Variants in NKAIN2 observed in about 807,000 individuals in gnomAD.
NKAIN2 encodes sodium/potassium transporting ATPase interacting 2, also known as sodium/potassium-transporting ATPase subunit beta-1-interacting protein 2.
In NKAIN2, 14 loss-of-function variants were observed where a neutral mutation model predicts 32.6. The observed-to-expected ratio is 0.43, with a 90% CI of 0.28 to 0.67. NKAIN2 has a LOEUF of 0.67. Ranked by LOEUF, NKAIN2 falls within the 30% of genes least tolerant of loss-of-function variation. The pLI, the probability that NKAIN2 is intolerant of heterozygous loss-of-function variation, is 0.17. For synonymous variants in NKAIN2, 80 were observed against 87.2 expected (o/e 0.92, Z 0.46); for missense variants, 198 against 258.3 (o/e 0.77, Z 1.60).
intron 3 of NKAIN2, among the ~76,000 whole-genome samples, chr6:124,477,839 CTCTTCCTCT>C (rs1777292144): frequency 6.9e-6 from 1 of 144,690 alleles, no homozygotes; most frequent in African/African-American, 2.6e-5. Context: ...CTTCTTCTTC[CTCTTCCTCT>C]TCTTCCTCTC....
At chr6:123,981,146 C>T (rs554678819) in intron 1 of NKAIN2, among the ~76,000 whole-genome samples, 10 of 152,150 alleles carry the variant, frequency 6.6e-5, no homozygotes, top group Non-Finnish European at 1.2e-4. Context: ...GGATTGCAGG[C>T]GTGAGCCACC....
chr6:124,077,949 G>T (rs1783769843), intron 1 of NKAIN2, among the ~76,000 whole-genome samples: 1 of 152,036 alleles, frequency 6.6e-6, no homozygotes, highest in South Asian at 2.1e-4. Flanking sequence ...AAAACTAAAA[G>T]TTTAGGGAAT....
chr6:123,916,355 C>T (rs180760450), intron 1 of NKAIN2, among the ~76,000 whole-genome samples: 7 of 152,052 alleles, frequency 4.6e-5, no homozygotes, highest in African/African-American at 1.4e-4. Context: ...CTGGTTCAAA[C>T]GATTCTCCTG....
chr6:123,927,368 T>C (rs907706906), intron 1 of NKAIN2, among the ~76,000 whole-genome samples: 1 of 152,226 alleles, frequency 6.6e-6, no homozygotes, highest in African/African-American at 2.4e-5. Context: ...GGCAGAATGG[T>C]GATAACCAAA....
At chr6:123,876,040 C>G (rs1436654147) in intron 1 of NKAIN2, among the ~76,000 whole-genome samples, 1 of 152,006 alleles carries the variant, frequency 6.6e-6, no homozygotes, top group Non-Finnish European at 1.5e-5. Flanking sequence ...TATATACACA[C>G]CCAAGTCATT....
At chr6:124,348,065 C>G (rs950364550) in intron 2 of NKAIN2, among the ~76,000 whole-genome samples, 2 of 152,198 alleles carry the variant, frequency 1.3e-5, no homozygotes, top group Non-Finnish European at 2.9e-5. Flanking sequence ...ACAGGACCCT[C>G]AGCTGCAGGT....
intron 5 of NKAIN2, among the ~76,000 whole-genome samples, chr6:124,806,803 G>A (rs1296240016): frequency 6.6e-6 from 1 of 151,480 alleles, no homozygotes; most frequent in South Asian, 2.1e-4. Context: ...GATCTACCAA[G>A]CAAATGGAAA....
chr6:124,531,158 A>C (rs146577692), intron 3 of NKAIN2, among the ~76,000 whole-genome samples: 1 of 152,334 alleles, frequency 6.6e-6, no homozygotes, highest in East Asian at 1.9e-4. Context: ...GAACCTGACC[A>C]TGCTGGTACT....
chr6:124,434,975 C>T (rs1350396731), intron 3 of NKAIN2, among the ~76,000 whole-genome samples: 2 of 152,024 alleles, frequency 1.3e-5, no homozygotes, highest in Non-Finnish European at 2.9e-5. Flanking sequence ...TATATGCAGC[C>T]ATCATTCTTG....
At chr6:124,414,276 A>G (rs377007058) in intron 3 of NKAIN2, among the ~76,000 whole-genome samples, 3 of 151,998 alleles carry the variant, frequency 2.0e-5, no homozygotes, top group South Asian at 4.1e-4. Flanking sequence ...TTTTTTCTTC[A>G]CTTATTAAGA....
intron 3 of NKAIN2, among the ~76,000 whole-genome samples, chr6:124,518,449 C>T (rs1016932416): frequency 6.6e-6 from 1 of 152,050 alleles, no homozygotes; most frequent in Non-Finnish European, 1.5e-5. Context: ...GTAGGCTTTA[C>T]AGGCAGCATT....
intron 1 of NKAIN2, among the ~76,000 whole-genome samples, chr6:123,976,295 TTCC>T (rs1778579849): frequency 1.3e-5 from 1 of 79,896 alleles, no homozygotes; most frequent in Non-Finnish European, 2.7e-5. Flanking sequence ...ATATATATGT[TTCC>T]ATATATATGT....
intron 1 of NKAIN2, among the ~76,000 whole-genome samples, chr6:124,210,510 C>T (rs1195763030): frequency 6.6e-6 from 1 of 151,722 alleles, no homozygotes; most frequent in Non-Finnish European, 1.5e-5. Flanking sequence ...TTGTAGATTG[C>T]TTTGGGTAGT....
chr6:124,568,610 A>G (rs1583453028), intron 3 of NKAIN2, among the ~76,000 whole-genome samples: 1 of 152,166 alleles, frequency 6.6e-6, no homozygotes, highest in East Asian at 1.9e-4. Flanking sequence ...GATATACTGA[A>G]TTTATCATTG....
intron 3 of NKAIN2, among the ~76,000 whole-genome samples, chr6:124,515,780 TCCCGGG>T (rs1778890104): frequency 2.5e-3 from 1 of 406 alleles, no homozygotes; most frequent in African/African-American, 3.9e-3. Flanking sequence ...AAGCTCCGCC[TCCCGGG>T]TTCACGCCAT....
chr6:124,373,328 A>G (rs1417728295), intron 3 of NKAIN2, among the ~76,000 whole-genome samples: 5 of 152,098 alleles, frequency 3.3e-5, no homozygotes, highest in African/African-American at 4.8e-5. Context: ...AAAGACAGGG[A>G]GCAGGTTTGG....
intron 1 of NKAIN2, among the ~76,000 whole-genome samples, chr6:124,108,706 T>G (rs1785231182): frequency 6.6e-6 from 1 of 152,058 alleles, no homozygotes. Context: ...TCATTTTAAG[T>G]TGATTTTTGT....
intron 2 of NKAIN2, among the ~76,000 whole-genome samples, chr6:124,284,618 G>C (rs1795457366): frequency 6.6e-6 from 1 of 151,598 alleles, no homozygotes; most frequent in Admixed American, 6.6e-5. Flanking sequence ...AAAGTTCTTG[G>C]GATAAAATCT....
At chr6:124,443,587 T>C (rs1280494806) in intron 3 of NKAIN2, among the ~76,000 whole-genome samples, 1 of 152,000 alleles carries the variant, frequency 6.6e-6, no homozygotes, top group African/African-American at 2.4e-5. Context: ...ACCTGCAAAT[T>C]ATAGGGGGTA....
Sources: allele counts gnomAD v4.1 joint callset (sites outside exome capture counted in the v4.1 genomes callset), GRCh38; gene constraint gnomAD v4.1.1; transcripts MANE v1.5; gene names NCBI Gene and HGNC (gene_info 2026-07-23, HGNC 2026-07-21).